Variants in GRHL3 observed in about 807,000 individuals in gnomAD.
GRHL3 encodes the protein grainyhead-like protein 3 homolog.
Under a neutral mutation model 70.3 loss-of-function variants are expected in GRHL3, and 20 were observed. The observed-to-expected ratio is 0.28, with a 90% CI of 0.20 to 0.41. GRHL3 has a LOEUF of 0.41. GRHL3 is among the 10% of genes least tolerant of loss of function. The pLI is 1.00. For missense variants in GRHL3, 637 were observed against 762.3 expected (o/e 0.84, Z 1.94); for synonymous variants, 299 against 299.9 (o/e 1.00, Z 0.03).
At chr1:24,361,084 AG>A (rs759978684) in intron 15 of GRHL3, 2 of 1,535,950 alleles carry the variant, frequency 1.3e-6, no homozygotes, top group Admixed American at 3.9e-5. Flanking sequence ...AAGGCAGTCT[AG>A]TGGGGAAGGC....
Position 24,339,750 on chromosome 1 carries a change from T to C in GRHL3, c.1035T>C (p.Asn345=), listed in dbSNP as rs1418228638. Reference sequence around the variant, plus strand: ...CACTGTCCTTTGTGTGGAACGTGAATGAAGAGGCCAAGGTCAGTGCTGAGG... The same window carrying C: ...CACTGTCCTTTGTGTGGAACGTGAACGAAGAGGCCAAGGTCAGTGCTGAGG... ...YNALSFVWNV[N]EEAKVFIGVN... The change falls in exon 8 of 16, where the codon AAT becomes AAC. Residue 345 remains asparagine, a synonymous_variant. Coordinates refer to ENST00000361548, the MANE Select transcript of GRHL3 (RefSeq NM_198173.3). The C allele has an allele frequency of 1.9e-6, 3 of 1,611,526 alleles. No homozygotes were observed. The highest frequency in any genetic ancestry group is 1.7e-6 in the Non-Finnish European group (2 of 1,177,922).
intron 8 of GRHL3, among the ~76,000 whole-genome samples, chr1:24,340,170 C>G (rs1205770670): frequency 3.3e-5 from 5 of 152,184 alleles, no homozygotes. Flanking sequence ...GAAAACTGAG[C>G]CTTTTGCATG....
At position 24,319,537 on chromosome 1, in the gene GRHL3, C is replaced by G. The variant is rs1639098103; in HGVS notation, c.-15C>G. ...AGAGCCTCAGTGCTGATCGTCGGAG[C>G]TTGGGAGCAGGAAGATGTCGAATGA... On this transcript the variant is annotated 5_prime_UTR_variant, in exon 1 of 16. Coordinates refer to ENST00000361548, the MANE Select transcript of GRHL3 (RefSeq NM_198173.3). 1.9e-6 allele frequency: 3 copies of G among 1,613,176 alleles called. No homozygotes were observed. The highest frequency in any genetic ancestry group is 1.1e-5 in the South Asian group (1 of 91,064).
Position 24,347,485 on chromosome 1 carries a change from A to G in GRHL3, c.1561A>G (p.Arg521Gly). 6.2e-7 allele frequency: 1 copy of G among 1,614,098 alleles called. No homozygotes were observed. The highest frequency in any genetic ancestry group is 8.5e-7 in the Non-Finnish European group (1 of 1,179,972). Residue 521 changes from arginine (R) to glycine (G), a missense_variant, in exon 14 of 16, where the codon AGG becomes GGG. Transcript: ENST00000361548. ...DLQRVLLYVR[R>G]ETEEVFDALM... ...CTTTTCAGTTCTGCTGTATGTGCGG[A>G]GGGAGACTGAGGAGGTGTTTGACGC... is the stretch of plus-strand genomic sequence containing the variant.
intron 2 of GRHL3, among the ~76,000 whole-genome samples, chr1:24,333,809 C>T (rs966653931): frequency 2.6e-5 from 4 of 152,192 alleles, no homozygotes; most frequent in African/African-American, 9.7e-5. Flanking sequence ...TACTAGTAGA[C>T]ATCTCAGAGT....
At chr1:24,350,909 C>T (rs1317028191) in intron 15 of GRHL3, among the ~76,000 whole-genome samples, 4 of 152,304 alleles carry the variant, frequency 2.6e-5, no homozygotes, top group Non-Finnish European at 5.9e-5. Context: ...GGTAGGGTCA[C>T]ATGGTAACTG....
At position 24,322,551 on chromosome 1, in the gene GRHL3, G is replaced by C. The variant is rs532403248; in HGVS notation, c.17+2983G>C. 1.3e-5 allele frequency among the ~76,000 whole-genome samples: 2 copies of C among 152,346 alleles called. No homozygotes were observed. The highest frequency in any genetic ancestry group is 3.9e-4 in the East Asian group (2 of 5,182). ...TTTGAGTTCGGGCTGTAAAACTGGC[G>C]GACTGGGCCGAGAGGCTTGAGCCAA... On this transcript the variant is annotated intron_variant, in intron 1 of 15. Transcript: ENST00000361548. This position sits in a 1 kb window ranked among gnomAD's most constrained non-coding sequence, Gnocchi z 4.4.
intron 15 of GRHL3, 77 bp from the exon 16 acceptor site, chr1:24,354,297 C>T (rs1483938852): frequency 1.0e-6 from 1 of 953,264 alleles, no homozygotes; most frequent in Non-Finnish European, 1.7e-6. Context: ...TATGACCCAT[C>T]ACTCATCCTG....
At chr1:24,356,101 A>G (rs573724413), downstream of GRHL3, among the ~76,000 whole-genome samples, 34 of 151,618 alleles carry the variant, frequency 2.2e-4, no homozygotes, top group Non-Finnish European at 3.4e-4. Context: ...GGGTTTCACC[A>G]TATTGGCCAG....
At chr1:24,332,419 A>G (rs550701569) in intron 2 of GRHL3, among the ~76,000 whole-genome samples, 5 of 151,966 alleles carry the variant, frequency 3.3e-5, no homozygotes, top group Non-Finnish European at 7.4e-5. Flanking sequence ...TAGGGGTTGG[A>G]CCAGTCAGGA....
At chr1:24,348,328 G>A (rs558037866) in intron 14 of GRHL3, among the ~76,000 whole-genome samples, 5 of 152,102 alleles carry the variant, frequency 3.3e-5, no homozygotes, top group Non-Finnish European at 5.9e-5. Flanking sequence ...CTCATTTCCC[G>A]CAAGGACACA....
In GRHL3 at chr1:24,336,776, G is replaced by T. The variant is rs780285232; in HGVS notation, c.561G>T (p.Pro187=). 5 of 1,612,598 alleles carry T rather than the reference G, an allele frequency of 3.1e-6. No individual in the cohort carries two copies. In the East Asian group the frequency reaches 1.1e-4, roughly 36 times the overall value. Residue 187 remains proline (P), a synonymous_variant, in exon 4 of 16, where the codon CCG becomes CCT. Coordinates refer to ENST00000361548, the MANE Select transcript of GRHL3 (RefSeq NM_198173.3). ...NSLFESIHGV[P]PTQRWQPDST... ...TGTTTGAGAGCATTCATGGGGTGCC[G>T]CCCACACAGCGCTGGCAGCCAGACA...
intron 2 of GRHL3, 45 bp downstream of exon 2, chr1:24,331,657 T>C (rs1639620966): frequency 1.3e-6 from 2 of 1,545,352 alleles, no homozygotes; most frequent in Non-Finnish European, 1.8e-6. Context: ...ACTGAATGGG[T>C]GTCTTCACTT....
chr1:24,341,764 A>C (rs1640049457), intron 8 of GRHL3, among the ~76,000 whole-genome samples: 1 of 152,132 alleles, frequency 6.6e-6, no homozygotes, highest in Non-Finnish European at 1.5e-5. Context: ...TCTGGATCTT[A>C]AGCTCCTATA....
intron 7 of GRHL3, among the ~76,000 whole-genome samples, chr1:24,338,919 G>A (rs12734968): frequency 6.6e-6 from 1 of 152,226 alleles, no homozygotes; most frequent in Non-Finnish European, 1.5e-5. Flanking sequence ...TGTGAAGGAT[G>A]AACTGAGGGC....
At chr1:24,326,961 CT>C (rs777167063) in intron 1 of GRHL3, among the ~76,000 whole-genome samples, 2 of 152,194 alleles carry the variant, frequency 1.3e-5, no homozygotes, top group Admixed American at 6.5e-5. Flanking sequence ...TACACTATCT[CT>C]TTTGTTTCTT....
intron 12 of GRHL3, 112 bp from the exon 13 acceptor site, chr1:24,346,441 C>A: frequency 1.5e-6 from 1 of 681,804 alleles, no homozygotes; most frequent in Non-Finnish European, 2.6e-6. Context: ...TGCTTTGCAT[C>A]CACCCTTGTG....
At chr1:24,335,447 G>A (rs1639762330) in intron 3 of GRHL3, among the ~76,000 whole-genome samples, 1 of 152,186 alleles carries the variant, frequency 6.6e-6, no homozygotes, top group Non-Finnish European at 1.5e-5. Flanking sequence ...GCCTCTGCTG[G>A]GAAGCCTTTT....
chr1:24,342,835 G>C lies in GRHL3; in HGVS notation c.1286-57G>C. The C allele has an allele frequency of 6.2e-7, 1 of 1,614,032 alleles. No homozygotes were observed. The highest frequency in any genetic ancestry group is 8.5e-7 in the Non-Finnish European group (1 of 1,179,856). ...CGTGAAGGGGAGAAGGAGACCAGAG[G>C]TGGGAGGGACTTGAGTGGAGGGACC... On this transcript the variant is annotated intron_variant, in intron 10 of 15. Coordinates refer to ENST00000361548, the MANE Select transcript of GRHL3 (RefSeq NM_198173.3). The surrounding 1 kb of genome is among the most constrained non-coding windows in gnomAD (Gnocchi z 4.8).
Sources: gnomAD v4.1 joint callset for allele counts (sites outside exome capture counted in the v4.1 genomes callset) on GRCh38, gnomAD v4.1.1 for gene constraint, Gnocchi (gnomAD v3.1) non-coding constraint, MANE v1.5 for transcripts, NCBI Gene and HGNC (gene_info 2026-07-23, HGNC 2026-07-21) for gene names.